Variants in COPG2 observed in about 807,000 individuals in gnomAD.
The protein encoded by COPG2 is coat protein complex I subunit gamma 2.
A neutral mutation model predicts 46.3 loss-of-function variants in COPG2; 37 were observed. The ratio of observed to expected loss-of-function variants is 0.80; its 90% CI spans 0.61 to 1.05. The LOEUF is 1.05. COPG2 is among the 50% of genes least tolerant of loss of function. The probability of loss-of-function intolerance (pLI) is 0.00; values close to 1 mark genes in which losing one functional copy is unlikely to be tolerated. For missense variants in COPG2, 427 were observed against 387.8 expected, an observed-to-expected ratio of 1.10 and a Z score of -0.85; for synonymous variants, 159 against 129.7, an observed-to-expected ratio of 1.23 and a Z score of -1.53.
chr7:130,639,891 C>T (rs1194240946), intron 5 of COPG2, among the ~76,000 whole-genome samples: 1 of 151,942 alleles, frequency 6.6e-6, no homozygotes, highest in Non-Finnish European at 1.5e-5. Flanking sequence ...GCAAGTGGGC[C>T]CACCTTCATG....
intron 20 of COPG2, among the ~76,000 whole-genome samples, chr7:130,543,335 T>C (rs895441584): frequency 6.6e-6 from 1 of 152,186 alleles, no homozygotes; most frequent in African/African-American, 2.4e-5. Context: ...GGGTGGGTAT[T>C]GTTGCCCCTT....
intron 20 of COPG2, among the ~76,000 whole-genome samples, chr7:130,545,735 A>G (rs1793432252): frequency 6.6e-6 from 1 of 152,164 alleles, no homozygotes; most frequent in African/African-American, 2.4e-5. Context: ...CATCAAGCAA[A>G]AGAGTCCATA....
At chr7:130,629,922 CT>C (rs782471896) in intron 5 of COPG2, among the ~76,000 whole-genome samples, 146 of 142,442 alleles carry the variant, frequency 1.0e-3, no homozygotes, top group African/African-American at 1.6e-3. Context: ...CTTTCCTTTC[CT>C]TTTTTTTTTT....
At position 130,612,238 on chromosome 7, in the gene COPG2, G is replaced by A; in HGVS notation, c.493C>T (p.His165Tyr). Residue 165 changes from histidine (H) to tyrosine (Y), a missense_variant and splice_region_variant, in exon 8 of 24, where the codon CAC becomes TAC. Physicochemically the swap from His to Tyr is moderately conservative, Grantham distance 83. Coordinates refer to ENST00000425248, the MANE Select transcript of COPG2 (RefSeq NM_012133.6). ...VSSSALVSSL[H>Y]MMKISYDVVK... ...ACATCATAGCTTATCTTCATCATGT[G>A]CTAAATACAGAAAAAAAAAAATGAG... 2 of 1,497,944 alleles carry A rather than the reference G, an allele frequency of 1.3e-6. No individual in the cohort carries two copies. The highest frequency in any genetic ancestry group is 8.9e-7 in the Non-Finnish European group (1 of 1,124,492). 92.8% of individuals were successfully genotyped at this position (1,497,944 alleles called of 1,614,324 possible).
In COPG2 at chr7:130,507,694, T is replaced by A. The variant is rs782110694; in HGVS notation, c.2377A>T (p.Thr793Ser). Residue 793 changes from threonine to serine, a missense_variant, in exon 22 of 24, where the codon ACC becomes TCC. Transcript: ENST00000425248. ...EETFALSSTK[T>S]LEEAVNNIIT... is the part of the protein sequence containing the mutation. ...GCAAAATGGGTCTCACCTTCAAGGG[T>A]TTTGGTAGAACTGAGGGCAAAGGTT... The A allele has an allele frequency of 1.3e-6, 1 of 780,322 alleles. No individual in the cohort carries two copies. Among genetic ancestry groups the A allele is most frequent in the Non-Finnish European group, 2.4e-6 (1 of 417,794 alleles). The allele number at this position is 780,322 out of a possible 1,614,324, so 48.3% of individuals were successfully genotyped here. A position where few individuals can be genotyped will look rare whatever the true frequency, so the allele number is the denominator to read the frequency against.
At chr7:130,568,180 C>A (rs1029084328) in intron 9 of COPG2, among the ~76,000 whole-genome samples, 1 of 152,120 alleles carries the variant, frequency 6.6e-6, no homozygotes, top group South Asian at 2.1e-4. Flanking sequence ...GAGGCTGACA[C>A]AGGAGAATCA....
chr7:130,525,008 G>A (rs1799760241), intron 20 of COPG2, among the ~76,000 whole-genome samples: 1 of 152,142 alleles, frequency 6.6e-6, no homozygotes, highest in Non-Finnish European at 1.5e-5. Flanking sequence ...AAGACGAAGT[G>A]GAGGGTGTCT....
At chr7:130,523,809 G>A (rs1007453551) in intron 20 of COPG2, among the ~76,000 whole-genome samples, 9 of 152,142 alleles carry the variant, frequency 5.9e-5, no homozygotes, top group African/African-American at 9.7e-5. Context: ...TGGAGACAGC[G>A]TGGAAGGAGA....
chr7:130,584,842 C>CAT (rs1794231719), intron 9 of COPG2, among the ~76,000 whole-genome samples: 1 of 152,168 alleles, frequency 6.6e-6, no homozygotes, highest in African/African-American at 2.4e-5. Flanking sequence ...ATCCCATGCT[C>CAT]ATGGATGGGT....
chr7:130,522,818 G>A (rs1409132275), intron 20 of COPG2, among the ~76,000 whole-genome samples: 3 of 151,870 alleles, frequency 2.0e-5, no homozygotes, highest in African/African-American at 7.3e-5. Context: ...GGGGCATTCT[G>A]GCCCTTCAAA....
At chr7:130,563,544 T>A (rs1479252743) in intron 10 of COPG2, among the ~76,000 whole-genome samples, 1 of 151,610 alleles carries the variant, frequency 6.6e-6, no homozygotes, top group Non-Finnish European at 1.5e-5. Context: ...TGAATCACAT[T>A]CAAAATATGC....
At chr7:130,602,187 C>T (rs1213279480) in intron 9 of COPG2, among the ~76,000 whole-genome samples, 1 of 152,172 alleles carries the variant, frequency 6.6e-6, no homozygotes, top group African/African-American at 2.4e-5. Flanking sequence ...AGAGATAACA[C>T]ATACAGTTAC....
intron 5 of COPG2, among the ~76,000 whole-genome samples, chr7:130,640,245 T>C (rs950825805): frequency 6.2e-5 from 9 of 144,048 alleles, no homozygotes; most frequent in East Asian, 2.3e-4. Context: ...ACACCTACTA[T>C]ATAGTTCCCT....
chr7:130,611,198 A>G, intron 8 of COPG2, 88 bp from the exon 9 acceptor site: 1 of 1,249,536 alleles, frequency 8.0e-7, no homozygotes, highest in Middle Eastern at 2.0e-4. Flanking sequence ...AACTAGATTA[A>G]AGATTTCTTT....
chr7:130,640,220 C>CA (rs767029256), intron 5 of COPG2, among the ~76,000 whole-genome samples: 1 of 122,454 alleles, frequency 8.2e-6, no homozygotes, highest in Admixed American at 1.1e-4. Flanking sequence ...GCTTCTTTCT[C>CA]AGTCTCTATT....
At chr7:130,530,810 A>C (rs940492480) in intron 20 of COPG2, among the ~76,000 whole-genome samples, 49,015 of 151,404 alleles carry the variant, frequency 0.32, 8,729 homozygotes, top group African/African-American at 0.46. Flanking sequence ...GGGCAGAAAG[A>C]GTGGTGGAAG....
At chr7:130,573,522 A>C (rs1793947337) in intron 9 of COPG2, among the ~76,000 whole-genome samples, 1 of 152,054 alleles carries the variant, frequency 6.6e-6, no homozygotes, top group Non-Finnish European at 1.5e-5. Context: ...ACAGGAACGT[A>C]AAAGTGGTTT....
chr7:130,612,141 A>G lies in COPG2; in HGVS notation c.579+11T>C, dbSNP rs371794311. 43 of 1,584,908 alleles carry G rather than the reference A, an allele frequency of 2.7e-5. No homozygotes were observed. In the African/African-American group the frequency reaches 5.4e-4, roughly 20 times the overall value. On this transcript the variant is annotated intron_variant, in intron 8 of 23. Coordinates refer to ENST00000425248, the MANE Select transcript of COPG2 (RefSeq NM_012133.6). ...ATCCTGAGACAAGCTAATGTGATTC[A>G]ATGACAATACCTGGACCATAATATT...
At chr7:130,553,187 AG>A (rs1793560222) in intron 14 of COPG2, among the ~76,000 whole-genome samples, 2 of 152,220 alleles carry the variant, frequency 1.3e-5, no homozygotes, top group African/African-American at 4.8e-5. Context: ...CAGTTGGGCA[AG>A]GCTGAGCAAA....
Sources: allele counts gnomAD v4.1 joint callset (sites outside exome capture counted in the v4.1 genomes callset), GRCh38; gene constraint gnomAD v4.1.1; transcripts MANE v1.5; gene names NCBI Gene and HGNC (gene_info 2026-07-23, HGNC 2026-07-21).